ANK3: variants seen among roughly 807,000 people sequenced by gnomAD.
ANK3 encodes the protein ankyrin 3.
A neutral mutation model predicts 370.9 loss-of-function variants in ANK3; 57 were observed. That is an observed-to-expected ratio of 0.15 (90% CI 0.12 to 0.19). ANK3 has a LOEUF of 0.19. Among genes scored for constraint, ANK3 ranks in the 10% least tolerant of loss-of-function variants. The pLI is 1.00. For synonymous variants in ANK3, 1,929 were observed against 1,946.3 expected, an observed-to-expected ratio of 0.99 and a Z score of 0.23; for missense variants, 4,439 against 5,302.1, an observed-to-expected ratio of 0.84 and a Z score of 5.06.
chr10:60,086,991 CA>C (rs34256603), intron 29 of ANK3, 107 bp from the exon 30 acceptor site: 42,051 of 144,328 alleles, frequency 0.29, 4,022 homozygotes, highest in Non-Finnish European at 0.34. Flanking sequence ...AACAGACAAC[CA>C]AAAAAAAAAA....
intron 2 of ANK3, among the ~76,000 whole-genome samples, chr10:60,412,508 G>A (rs2063580260): frequency 6.6e-6 from 1 of 152,148 alleles, no homozygotes; most frequent in African/African-American, 2.4e-5. Flanking sequence ...GATGAAGATT[G>A]CAGGACTTCT....
intron 2 of ANK3, among the ~76,000 whole-genome samples, chr10:60,575,653 A>G (rs1429617345): frequency 6.6e-6 from 1 of 152,188 alleles, no homozygotes; most frequent in Non-Finnish European, 1.5e-5. Flanking sequence ...ACAAAGAATT[A>G]CATCTCTGAA....
intron 36 of ANK3, among the ~76,000 whole-genome samples, chr10:60,078,342 C>A (rs1367730637): frequency 6.6e-6 from 1 of 152,186 alleles, no homozygotes; most frequent in East Asian, 1.9e-4. Context: ...CTATTCATTA[C>A]CCCTTCTTGC....
intron 36 of ANK3, among the ~76,000 whole-genome samples, chr10:60,077,960 G>C (rs1196617431): frequency 6.6e-6 from 1 of 152,170 alleles, no homozygotes; most frequent in Non-Finnish European, 1.5e-5. Context: ...AAGCACACTT[G>C]CTGGGGAGCA....
At chr10:60,291,984 A>G (rs2041513524) in intron 1 of ANK3, among the ~76,000 whole-genome samples, 1 of 152,172 alleles carries the variant, frequency 6.6e-6, no homozygotes, top group African/African-American at 2.4e-5. Context: ...AAGTGTTGGG[A>G]TTACAAGTGT....
Position 60,053,337 on chromosome 10 carries a change from T to G in ANK3, c.13065+2321A>C, listed in dbSNP as rs188828283. ...TCATAAGTTGAGGAAAGGTTTTCAC[T>G]TGGGTGAATTCAAAAGTAGAAGAGC... On this transcript the variant is annotated intron_variant, in intron 42 of 43. Transcript: ENST00000280772. Among the ~76,000 whole-genome samples, 738 of 152,338 alleles carry G rather than the reference T, an allele frequency of 4.8e-3. 8 individuals carry two copies. The highest frequency in any genetic ancestry group is 0.016 in the African/African-American group (685 of 41,570).
chr10:60,291,865 G>A (rs1334532615), intron 1 of ANK3, among the ~76,000 whole-genome samples: 3 of 151,808 alleles, frequency 2.0e-5, no homozygotes, highest in Non-Finnish European at 2.9e-5. Context: ...GGTACAGACC[G>A]CCACGCCTGA....
intron 2 of ANK3, among the ~76,000 whole-genome samples, chr10:60,463,604 T>C (rs4948422): frequency 0.34 from 51,821 of 151,604 alleles, 9,079 homozygotes; most frequent in East Asian, 0.51. Context: ...ATCAGGTTAG[T>C]GGCCCTGTTG....
At chr10:60,686,401 G>C (rs1343740812) in intron 1 of ANK3, among the ~76,000 whole-genome samples, 2 of 152,088 alleles carry the variant, frequency 1.3e-5, no homozygotes, top group Non-Finnish European at 2.9e-5. Context: ...AGTGGTAAAA[G>C]AATATGAAGA....
chr10:60,229,189 A>AT (rs2097207110), intron 8 of ANK3, among the ~76,000 whole-genome samples: 1 of 152,132 alleles, frequency 6.6e-6, no homozygotes, highest in African/African-American at 2.4e-5. Context: ...TTAACTTGTA[A>AT]TTTTTTGACA....
chr10:60,134,289 A>C lies in ANK3; in HGVS notation c.2823T>G (p.Leu941=), dbSNP rs1309860401. 6.2e-7 allele frequency: 1 copy of C among 1,613,898 alleles called. No individual in the cohort carries two copies. Among genetic ancestry groups the C allele is most frequent in the East Asian group, 2.2e-5 (1 of 44,828 alleles). Residue 941 remains leucine (L), a synonymous_variant, in exon 25 of 44, where the codon CTT becomes CTG. Coordinates refer to ENST00000280772, the MANE Select transcript of ANK3 (RefSeq NM_020987.5). ...ARDSMMIEEL[L]VPSKEQHLTF... ...TGCATACCTGCTCTTTGGATGGCAC[A>C]AGGAGTTCTTCAATCATCATGCTGT...
intron 5 of ANK3, among the ~76,000 whole-genome samples, chr10:60,268,721 A>G (rs1346503886): frequency 6.6e-6 from 1 of 152,112 alleles, no homozygotes; most frequent in Non-Finnish European, 1.5e-5. Context: ...AGTTTTTGAT[A>G]GTTACTGCCA....
intron 2 of ANK3, among the ~76,000 whole-genome samples, chr10:60,563,427 A>G (rs1317113412): frequency 1.3e-5 from 2 of 152,240 alleles, no homozygotes; most frequent in African/African-American, 4.8e-5. Context: ...AAATCCTTGC[A>G]GCCAGCCAAG....
At chr10:60,097,935 T>C (rs963858423) in intron 28 of ANK3, among the ~76,000 whole-genome samples, 2 of 152,168 alleles carry the variant, frequency 1.3e-5, no homozygotes, top group African/African-American at 4.8e-5. Flanking sequence ...TATTTGATAT[T>C]GAGAGGTGAA....
chr10:60,034,063 G>A (rs1341061434), intron 43 of ANK3, among the ~76,000 whole-genome samples: 3 of 146,800 alleles, frequency 2.0e-5, no homozygotes, highest in Non-Finnish European at 4.5e-5. Context: ...AGGTCAGTGT[G>A]TCTGAAATTC....
chr10:60,169,158 A>G (rs1452763047), intron 21 of ANK3, among the ~76,000 whole-genome samples: 2 of 152,214 alleles, frequency 1.3e-5, no homozygotes, highest in Non-Finnish European at 2.9e-5. Flanking sequence ...TTACATGCCC[A>G]CCAACAGTGT....
intron 36 of ANK3, among the ~76,000 whole-genome samples, chr10:60,076,867 T>C (rs976447813): frequency 2.0e-5 from 3 of 152,210 alleles, no homozygotes; most frequent in Non-Finnish European, 4.4e-5. Flanking sequence ...CCTGTATAGG[T>C]ACATGTTTGT....
Position 60,080,521 on chromosome 10 carries a change from G to T in ANK3, c.4432+16C>A, listed in dbSNP as rs1466567882. On this transcript the variant is annotated intron_variant, in intron 36 of 43. Coordinates refer to ENST00000280772, the MANE Select transcript of ANK3 (RefSeq NM_020987.5). The stretch of plus-strand genomic sequence containing the variant: ...TGAAAATCCACGTAGATTAGTAAAT[G>T]TGTTAGGAAACTCACTCATTCCAGG... 6.2e-7 allele frequency: 1 copy of T among 1,604,330 alleles called. No individual in the cohort carries two copies. The highest frequency in any genetic ancestry group is 1.7e-5 in the Admixed American group (1 of 59,780).
intron 2 of ANK3, among the ~76,000 whole-genome samples, chr10:60,453,904 T>C (rs976509021): frequency 4.6e-5 from 7 of 152,238 alleles, no homozygotes; most frequent in African/African-American, 1.7e-4. Context: ...ATTTGGTTAC[T>C]GTTGGTAACT....
Sources: allele counts gnomAD v4.1 joint callset (sites outside exome capture counted in the v4.1 genomes callset), GRCh38; gene constraint gnomAD v4.1.1; transcripts MANE v1.5; gene names NCBI Gene and HGNC (gene_info 2026-07-23, HGNC 2026-07-21).